FDFT1: variants seen among roughly 807,000 people sequenced by gnomAD.
FDFT1 encodes the protein squalene synthase.
Under a neutral mutation model 46.8 loss-of-function variants are expected in FDFT1, and 68 were observed. The observed-to-expected ratio is 1.45, with a 90% CI of 1.19 to 1.78. The LOEUF is 1.78. Among genes scored for constraint, FDFT1 ranks in the 40% most tolerant of loss-of-function variants. The probability of loss-of-function intolerance (pLI) is 0.00; values close to 1 mark genes in which losing one functional copy is unlikely to be tolerated. For missense variants in FDFT1, 928 were observed against 524.4 expected, an observed-to-expected ratio of 1.77 and a Z score of -7.52; for synonymous variants, 351 against 185.1, an observed-to-expected ratio of 1.90 and a Z score of -7.28.
Position 11,802,900 on chromosome 8 carries a change from G to A in FDFT1, c.68G>A (p.Gly23Asp), listed in dbSNP as rs1806312479. The A allele has an allele frequency of 1.9e-6, 3 of 1,611,216 alleles. No individual in the cohort carries two copies. Among genetic ancestry groups the A allele is most frequent in the Non-Finnish European group, 1.7e-6 (2 of 1,178,672 alleles). ...AACCTGGTGCGCTTCCGGATCGGGG[G>A]CAAGCGGAAGGTGATGCCCAAGATG... ...FYNLVRFRIGGKRKVMPKMDQ... is the reference protein window; with the variant it reads ...FYNLVRFRIGDKRKVMPKMDQ... Residue 23 changes from glycine (G) to aspartate (D), a missense_variant, in exon 1 of 8, where the codon GGC (glycine) becomes GAC (aspartate). Transcript: ENST00000220584.
intron 4 of FDFT1, among the ~76,000 whole-genome samples, chr8:11,822,724 G>A (rs949045973): frequency 1.3e-5 from 2 of 152,176 alleles, no homozygotes; most frequent in Admixed American, 6.5e-5. Flanking sequence ...TGAGGTGTGG[G>A]AGGATTGCTT....
chr8:11,828,388 G>C (rs1185815234), intron 5 of FDFT1, among the ~76,000 whole-genome samples: 1 of 152,346 alleles, frequency 6.6e-6, no homozygotes, highest in African/African-American at 2.4e-5. Context: ...AGCCAGGGTT[G>C]AGAAACCACT....
At chr8:11,830,639 T>C (rs4841600) in intron 6 of FDFT1, among the ~76,000 whole-genome samples, 85,238 of 152,070 alleles carry the variant, frequency 0.56, 25,295 homozygotes, top group East Asian at 0.99. Flanking sequence ...ACCTTCTTTC[T>C]GGATTTACTA....
chr8:11,827,687 C>G (rs1248914496), intron 5 of FDFT1, among the ~76,000 whole-genome samples: 2 of 152,112 alleles, frequency 1.3e-5, no homozygotes, highest in East Asian at 1.9e-4. Context: ...AAGAGACACA[C>G]AGATGATTAT....
chr8:11,820,138 C>T (rs916455957), intron 3 of FDFT1, among the ~76,000 whole-genome samples: 18 of 152,316 alleles, frequency 1.2e-4, no homozygotes, highest in African/African-American at 4.1e-4. Flanking sequence ...GAGGTCCACT[C>T]TAGACCCTGT....
chr8:11,822,213 G>C (rs1329101208), intron 4 of FDFT1, among the ~76,000 whole-genome samples: 1 of 152,186 alleles, frequency 6.6e-6, no homozygotes, highest in East Asian at 1.9e-4. Context: ...AATGGTGTTT[G>C]TGAGACTTAC....
chr8:11,802,725 G>C (rs1806284037), upstream of FDFT1: 1 of 851,276 alleles, frequency 1.2e-6, no homozygotes, highest in South Asian at 1.5e-5. Flanking sequence ...CCTGCCCCCT[G>C]TCCGGCCAGC....
Position 11,809,810 on chromosome 8 carries a change from G to A in FDFT1, c.341G>A (p.Ser114Asn). 6.2e-7 allele frequency: 1 copy of A among 1,614,090 alleles called. No individual in the cohort carries two copies. Among genetic ancestry groups the A allele is most frequent in the Non-Finnish European group, 8.5e-7 (1 of 1,179,990 alleles). The part of the protein sequence containing the change: ...LYQPDWRFME[S>N]KEKDRQVLED... ...CAACCAGACTGGCGGTTCATGGAGA[G>A]CAAGGAGAAGGATCGCCAGGTGCTG... The change falls in exon 3 of 8, where the codon AGC becomes AAC. Residue 114 changes from serine to asparagine, a missense_variant. Physicochemically the swap from Ser to Asn is conservative, Grantham distance 46. Transcript: ENST00000220584.
At chr8:11,812,825 A>G (rs906610282) in intron 3 of FDFT1, among the ~76,000 whole-genome samples, 1 of 152,206 alleles carries the variant, frequency 6.6e-6, no homozygotes, top group African/African-American at 2.4e-5. Context: ...ATTAGTTGAT[A>G]CCAGTTCAAG....
At position 11,838,221 on chromosome 8, in the gene FDFT1, C is replaced by A. The variant is rs191277119; in HGVS notation, c.1033-167C>A. On this transcript the variant is annotated intron_variant, in intron 7 of 7. Coordinates refer to ENST00000220584, the MANE Select transcript of FDFT1 (RefSeq NM_004462.5). Reference sequence around the variant, plus strand: ...AGATGAGCTGGGGCTGACATCCCCACCTTATCATTGGGATGGCTTTGGGTA... The same window carrying A: ...AGATGAGCTGGGGCTGACATCCCCAACTTATCATTGGGATGGCTTTGGGTA... Among the ~76,000 whole-genome samples, 12 of 152,290 alleles carry A rather than the reference C, an allele frequency of 7.9e-5. 1 individual carries two copies. Among genetic ancestry groups the A allele is most frequent in the Admixed American group, 5.2e-4 (8 of 15,300 alleles).
At position 11,825,704 on chromosome 8, in the gene FDFT1, T is replaced by A. The variant is rs1040194629; in HGVS notation, c.511-320T>A. On this transcript the variant is annotated intron_variant, in intron 4 of 7. Transcript: ENST00000220584. ...TCCATCTCAAAAAAAAAATAAAAAA[T>A]AAAAATAAAAAAATGTTTACTAGTT... 9.7e-4 allele frequency among the ~76,000 whole-genome samples: 144 copies of A among 148,268 alleles called. 1 individual carries two copies. Among genetic ancestry groups the A allele is most frequent in the Admixed American group, 1.3e-3 (19 of 14,980 alleles).
At chr8:11,817,609 G>A (rs897039192) in intron 3 of FDFT1, among the ~76,000 whole-genome samples, 7 of 152,246 alleles carry the variant, frequency 4.6e-5, no homozygotes, top group African/African-American at 1.4e-4. Context: ...TGTATGTGTC[G>A]AGGAATGTAT....
chr8:11,826,250 T>C (rs1274398619), intron 5 of FDFT1, 35 bp downstream of exon 5: 1 of 1,415,438 alleles, frequency 7.1e-7, no homozygotes, highest in Admixed American at 2.2e-5. Context: ...GGAAAATAAC[T>C]TTAGACATTC....
At chr8:11,808,741 C>G (rs1025154446) in intron 1 of FDFT1, 53 bp from the exon 2 acceptor site, 5 of 1,591,816 alleles carry the variant, frequency 3.1e-6, no homozygotes, top group Non-Finnish European at 4.3e-6. Flanking sequence ...CACTCCCACT[C>G]CCACTCCTGC....
Position 11,839,176 on chromosome 8 carries a change from A to AT in FDFT1, c.*570dup, listed in dbSNP as rs1256035036. 1 of 154,218 alleles carries AT rather than the reference A, an allele frequency of 6.5e-6. No homozygotes were observed. Among genetic ancestry groups the AT allele is most frequent in the Non-Finnish European group, 1.4e-5 (1 of 69,122 alleles). 9.6% of individuals were successfully genotyped at this position (154,218 alleles called of 1,614,324 possible). A position where few individuals can be genotyped will look rare whatever the true frequency, so the allele number is the denominator to read the frequency against. ...AAATTCTGGGTATTCTCGTATTCTC[A>AT]TTTAAAGGAGTTTAGCTTTCAGAGA... On this transcript the variant is annotated 3_prime_UTR_variant, in exon 8 of 8. Coordinates refer to ENST00000220584, the MANE Select transcript of FDFT1 (RefSeq NM_004462.5).
chr8:11,809,372 A>T (rs1361277614), intron 2 of FDFT1: 1 of 1,145,754 alleles, frequency 8.7e-7, no homozygotes, highest in East Asian at 5.0e-5. Flanking sequence ...TTCGGTCTAA[A>T]CGTTTGGTCT....
rs116651644 is a variant in FDFT1, at chr8:11,803,219, C to G, written c.99+288C>G. 131 of 1,407,194 alleles carry G rather than the reference C, an allele frequency of 9.3e-5. 1 individual carries two copies. Among genetic ancestry groups the G allele is most frequent in the Non-Finnish European group, 1.2e-4 (125 of 1,065,308 alleles). The allele number at this position is 1,407,194 out of a possible 1,614,324, so 87.2% of individuals were successfully genotyped here. On this transcript the variant is annotated intron_variant, in intron 1 of 7. Coordinates refer to ENST00000220584, the MANE Select transcript of FDFT1 (RefSeq NM_004462.5). ...TTCGTCCCCTCCGTGAGCATCGGCG[C>G]TTACCGGTATTTTAACCCGAGGGTT...
At chr8:11,830,209 C>A in intron 5 of FDFT1, 35 bp from the exon 6 acceptor site, 2 of 1,545,228 alleles carry the variant, frequency 1.3e-6, no homozygotes, top group Non-Finnish European at 1.8e-6. Flanking sequence ...CCTATGCACA[C>A]GCTGACCTGT....
intron 7 of FDFT1, among the ~76,000 whole-genome samples, chr8:11,834,373 A>C (rs1159406441): frequency 6.6e-6 from 1 of 152,210 alleles, no homozygotes; most frequent in African/African-American, 2.4e-5. Flanking sequence ...TGCTCAGCCA[A>C]ACGGCCAGAA....
Sources: gnomAD v4.1 joint callset for allele counts (sites outside exome capture counted in the v4.1 genomes callset) on GRCh38, gnomAD v4.1.1 for gene constraint, MANE v1.5 for transcripts, NCBI Gene and HGNC (gene_info 2026-07-23, HGNC 2026-07-21) for gene names.